Variants in NXPE2 observed in about 807,000 individuals in gnomAD.
The protein encoded by NXPE2 is neurexophilin and PC-esterase domain family member 2.
In NXPE2, 34 loss-of-function variants were observed where a neutral mutation model predicts 34.4. The ratio of observed to expected loss-of-function variants is 0.99; its 90% CI spans 0.75 to 1.31. NXPE2 has a LOEUF of 1.31. Among genes scored for constraint, NXPE2 ranks in the 40% most tolerant of loss-of-function variants. The probability of loss-of-function intolerance (pLI) is 0.00; values close to 1 mark genes in which losing one functional copy is unlikely to be tolerated. For synonymous variants in NXPE2, 235 were observed against 231.3 expected, an observed-to-expected ratio of 1.02 and a Z score of -0.15; for missense variants, 649 against 672.5, an observed-to-expected ratio of 0.97 and a Z score of 0.39.
chr11:114,700,407 CAT>C (rs1951343539), intron 3 of NXPE2, among the ~76,000 whole-genome samples: 1 of 152,056 alleles, frequency 6.6e-6, no homozygotes, highest in Admixed American at 6.6e-5. Flanking sequence ...GGGAGTAAGT[CAT>C]GTGAATTTTC....
chr11:114,610,288 T>C, the NXPE2 span, among the ~76,000 whole-genome samples: 8 of 151,890 alleles, frequency 5.3e-5, no homozygotes, highest in South Asian at 1.7e-3. Flanking sequence ...CGGTGGATAA[T>C]AAGTGTTGCC....
the NXPE2 span, among the ~76,000 whole-genome samples, chr11:114,766,824 CTT>C: frequency 2.0e-5 from 3 of 152,062 alleles, no homozygotes; most frequent in Non-Finnish European, 2.9e-5. Flanking sequence ...CTCATGATCT[CTT>C]TGAAGTGCTA....
At chr11:114,511,529 A>G in the NXPE2 span, among the ~76,000 whole-genome samples, 1 of 152,248 alleles carries the variant, frequency 6.6e-6, no homozygotes, top group Non-Finnish European at 1.5e-5. Flanking sequence ...CACCTAAAAA[A>G]TATCAACTCA....
the NXPE2 span, among the ~76,000 whole-genome samples, chr11:114,598,415 T>C: frequency 2.0e-5 from 3 of 152,228 alleles, no homozygotes; most frequent in Non-Finnish European, 4.4e-5. Flanking sequence ...CAGTGGGGAC[T>C]CTGTGTGGGG....
intron 2 of NXPE2, among the ~76,000 whole-genome samples, chr11:114,690,179 T>C (rs986761026): frequency 1.3e-5 from 2 of 152,298 alleles, no homozygotes; most frequent in African/African-American, 2.4e-5. Flanking sequence ...GGTTACTTTA[T>C]GGGATCTGTG....
chr11:114,794,703 G>A, the NXPE2 span, among the ~76,000 whole-genome samples: 1 of 152,158 alleles, frequency 6.6e-6, no homozygotes, highest in Admixed American at 6.5e-5. Flanking sequence ...ACCTCCAAAT[G>A]TTCCTATCAT....
At chr11:114,741,674 TTCTAAG>T in the NXPE2 span, among the ~76,000 whole-genome samples, 1 of 152,336 alleles carries the variant, frequency 6.6e-6, no homozygotes, top group Non-Finnish European at 1.5e-5. Flanking sequence ...TTTCTATGAT[TTCTAAG>T]TCTATCAAAC....
chr11:114,791,790 C>T, the NXPE2 span, among the ~76,000 whole-genome samples: 4 of 152,202 alleles, frequency 2.6e-5, no homozygotes, highest in Non-Finnish European at 5.9e-5. Flanking sequence ...GGCGCGGTGG[C>T]TCACGCCTGT....
the NXPE2 span, among the ~76,000 whole-genome samples, chr11:114,527,406 C>T: frequency 1.3e-5 from 2 of 152,068 alleles, no homozygotes; most frequent in African/African-American, 4.8e-5. Context: ...AGTAACAGGG[C>T]TTTGTGTTTG....
At chr11:114,657,572 A>G in the NXPE2 span, among the ~76,000 whole-genome samples, 6 of 152,196 alleles carry the variant, frequency 3.9e-5, no homozygotes, top group African/African-American at 1.4e-4. Flanking sequence ...TTGCTATTTA[A>G]TGTCGTATAA....
At chr11:114,698,830 C>T in intron 3 of NXPE2, 52 bp downstream of exon 3, 1 of 1,435,286 alleles carries the variant, frequency 7.0e-7, no homozygotes, top group Non-Finnish European at 9.1e-7. Flanking sequence ...TCCGACCAAA[C>T]TCTGCCTAGT....
At chr11:114,717,720 TC>T in the NXPE2 span, among the ~76,000 whole-genome samples, 2 of 152,088 alleles carry the variant, frequency 1.3e-5, no homozygotes, top group African/African-American at 4.8e-5. Flanking sequence ...TCTTCCCACT[TC>T]CCCCCACTGA....
the NXPE2 span, among the ~76,000 whole-genome samples, chr11:114,720,085 T>A: frequency 6.6e-6 from 1 of 152,238 alleles, no homozygotes. Flanking sequence ...ATTTAATGAT[T>A]TAATGCTATC....
At chr11:114,484,132 C>A in the NXPE2 span, among the ~76,000 whole-genome samples, 1 of 152,156 alleles carries the variant, frequency 6.6e-6, no homozygotes, top group Non-Finnish European at 1.5e-5. Flanking sequence ...TGCTGATGAC[C>A]TAATGTGACT....
At chr11:114,545,329 G>A in the NXPE2 span, among the ~76,000 whole-genome samples, 1 of 152,288 alleles carries the variant, frequency 6.6e-6, no homozygotes, top group East Asian at 1.9e-4. Flanking sequence ...TCTTCAGTAG[G>A]TGAATATAGA....
the NXPE2 span, among the ~76,000 whole-genome samples, chr11:114,575,235 A>G: frequency 6.6e-6 from 1 of 152,154 alleles, no homozygotes; most frequent in Non-Finnish European, 1.5e-5. Context: ...AGCCAACATA[A>G]TACTGAATGG....
chr11:114,716,625 C>A, the NXPE2 span, among the ~76,000 whole-genome samples: 68 of 152,248 alleles, frequency 4.5e-4, no homozygotes, highest in African/African-American at 1.6e-3. Flanking sequence ...TGCAGTGGTA[C>A]AGCAGAGAAA....
the NXPE2 span, chr11:114,553,890 C>T: frequency 1.0e-6 from 1 of 976,524 alleles, no homozygotes; most frequent in Non-Finnish European, 1.2e-6. Context: ...ACATTTAGAT[C>T]GTGGAAGTCA....
the NXPE2 span, among the ~76,000 whole-genome samples, chr11:114,513,753 T>A: frequency 6.6e-6 from 1 of 152,156 alleles, no homozygotes; most frequent in African/African-American, 2.4e-5. Context: ...ATGGTTACAA[T>A]AGCAAATTGA....
Sources: allele counts gnomAD v4.1 joint callset (sites outside exome capture counted in the v4.1 genomes callset), GRCh38; gene constraint gnomAD v4.1.1; transcripts MANE v1.5; gene names NCBI Gene and HGNC (gene_info 2026-07-23, HGNC 2026-07-21).